The following SYT14 variants were observed in gnomAD, a reference collection of about 807,000 sequenced individuals.
The protein encoded by SYT14 is synaptotagmin-14.
SYT14 carries 32 observed loss-of-function variants against 74.2 expected under a neutral mutation model. The ratio of observed to expected loss-of-function variants is 0.43; its 90% CI spans 0.33 to 0.58. SYT14 has a LOEUF of 0.58. SYT14 is among the 20% of genes least tolerant of loss of function. The pLI is 0.05. For missense variants in SYT14, 791 were observed against 981.8 expected, an observed-to-expected ratio of 0.81 and a Z score of 2.60; for synonymous variants, 298 against 337.7, an observed-to-expected ratio of 0.88 and a Z score of 1.29.
rs1340731111 is a variant in SYT14, at chr1:210,142,060, A to G, written c.2035-13661A>G. Among the ~76,000 whole-genome samples the G allele has an allele frequency of 2.0e-5, 3 of 152,346 alleles. No individual in the cohort carries two copies. In the East Asian group the frequency reaches 5.8e-4, roughly 29 times the overall value. On this transcript the variant is annotated intron_variant, in intron 7 of 9. Coordinates refer to ENST00000637265, the Ensembl canonical transcript of SYT14. ...TGTTCTAAGGATATAGTTCTTATCA[A>G]TCTGAGTCAAGTAAAATCAAAACAA...
At chr1:210,024,250 A>T (rs2102966451) in intron 5 of SYT14, among the ~76,000 whole-genome samples, 1 of 152,316 alleles carries the variant, frequency 6.6e-6, no homozygotes, top group Admixed American at 6.5e-5. Flanking sequence ...AGAAAGATTA[A>T]TTTAGCAGCA....
intron 7 of SYT14, among the ~76,000 whole-genome samples, chr1:210,137,109 G>C (rs1171751308): frequency 6.6e-6 from 1 of 152,144 alleles, no homozygotes; most frequent in Admixed American, 6.6e-5. Flanking sequence ...ATGAATTTCT[G>C]TCAGTGTTTG....
intron 1 of SYT14, among the ~76,000 whole-genome samples, chr1:209,943,350 C>A (rs2078767389): frequency 6.6e-6 from 1 of 151,620 alleles, no homozygotes; most frequent in African/African-American, 2.4e-5. Context: ...ACTAAAAATA[C>A]AAAACTTAGC....
At position 209,958,530 on chromosome 1, in the gene SYT14, CT is replaced by C. The variant is rs1257938607; in HGVS notation, c.-486+5777del. On this transcript the variant is annotated intron_variant, in intron 2 of 9. Coordinates refer to ENST00000637265, the Ensembl canonical transcript of SYT14. Reference sequence around the variant, plus strand: ...TTTCTTATTCTTGAACATGGTGTATCTTTGCATTTGTTTAATGCCTTTCAAT... The same window carrying C: ...TTTCTTATTCTTGAACATGGTGTATCTTGCATTTGTTTAATGCCTTTCAAT... Among the ~76,000 whole-genome samples the C allele has an allele frequency of 2.0e-5, 3 of 152,028 alleles. 1 individual carries two copies. In the South Asian group the frequency reaches 6.2e-4, roughly 32 times the overall value.
intron 7 of SYT14, among the ~76,000 whole-genome samples, chr1:210,111,444 G>A (rs1235253040): frequency 1.3e-5 from 2 of 151,216 alleles, no homozygotes; most frequent in African/African-American, 4.9e-5. Context: ...TGGGCCCAGA[G>A]GCCTGACATT....
chr1:209,952,940 G>A, intron 2 of SYT14, 184 bp downstream of exon 2: 1 of 1,126,970 alleles, frequency 8.9e-7, no homozygotes, highest in Non-Finnish European at 1.3e-6. Context: ...ATTATTGAGA[G>A]TTGTTGCTTT....
At chr1:210,000,254 G>A (rs537601722) in intron 2 of SYT14, among the ~76,000 whole-genome samples, 1 of 152,044 alleles carries the variant, frequency 6.6e-6, no homozygotes, top group South Asian at 2.1e-4. Context: ...TGCCACTTAC[G>A]GCTTTGTGAA....
exon 6 of SYT14, chr1:210,094,500 T>G (rs2102526491): frequency 2.5e-6 from 4 of 1,613,966 alleles, no homozygotes; most frequent in Non-Finnish European, 3.4e-6. Context: ...AGTGCCCAAG[T>G]GAAGGAAGCA....
chr1:210,144,463 T>C (rs2082988051), intron 7 of SYT14, among the ~76,000 whole-genome samples: 1 of 152,150 alleles, frequency 6.6e-6, no homozygotes, highest in African/African-American at 2.4e-5. Flanking sequence ...CAGACCCCCG[T>C]AAATCTGACT....
chr1:210,143,103 G>A (rs1283799598), intron 7 of SYT14, among the ~76,000 whole-genome samples: 1 of 152,146 alleles, frequency 6.6e-6, no homozygotes, highest in Non-Finnish European at 1.5e-5. Context: ...TAGTAGTAAG[G>A]AAGAGCCTAT....
At chr1:209,983,355 A>G (rs972239248) in intron 2 of SYT14, among the ~76,000 whole-genome samples, 1 of 151,490 alleles carries the variant, frequency 6.6e-6, no homozygotes, top group Non-Finnish European at 1.5e-5. Context: ...GGTATGTTTG[A>G]TGGTATCTCA....
intron 9 of SYT14, among the ~76,000 whole-genome samples, chr1:210,160,083 A>G (rs7534723): frequency 0.16 from 23,591 of 152,140 alleles, 1,959 homozygotes; most frequent in Middle Eastern, 0.2. Context: ...ACCAGGAGAA[A>G]GTTTTACTTG....
chr1:210,136,608 A>G (rs2082791470), intron 7 of SYT14, among the ~76,000 whole-genome samples: 1 of 152,176 alleles, frequency 6.6e-6, no homozygotes, highest in South Asian at 2.1e-4. Context: ...GGGCTGATGA[A>G]CAAAAAGTAT....
At chr1:210,116,507 C>T (rs369622161) in intron 7 of SYT14, among the ~76,000 whole-genome samples, 10 of 152,070 alleles carry the variant, frequency 6.6e-5, no homozygotes, top group African/African-American at 1.2e-4. Context: ...CCACCATGTC[C>T]GGCTAATTTT....
At chr1:210,146,274 G>A (rs777044165) in intron 7 of SYT14, among the ~76,000 whole-genome samples, 1 of 152,120 alleles carries the variant, frequency 6.6e-6, no homozygotes. Context: ...GGAGGCAGAA[G>A]TTGCAGTGAG....
intron 5 of SYT14, among the ~76,000 whole-genome samples, chr1:210,026,043 G>C (rs373806271): frequency 6.6e-6 from 1 of 151,670 alleles, no homozygotes; most frequent in Non-Finnish European, 1.5e-5. Flanking sequence ...AAATGTAATG[G>C]CATATTTGTT....
chr1:210,121,059 T>C (rs540153086), intron 7 of SYT14, among the ~76,000 whole-genome samples: 67 of 152,320 alleles, frequency 4.4e-4, no homozygotes, highest in African/African-American at 1.6e-3. Context: ...TGGATCCCAC[T>C]TCATCCCAAC....
intron 5 of SYT14, among the ~76,000 whole-genome samples, chr1:210,078,063 C>G (rs1367498336): frequency 1.3e-5 from 2 of 152,114 alleles, no homozygotes; most frequent in Non-Finnish European, 2.9e-5. Context: ...GTAATCCCAG[C>G]ACTTTGGGAG....
intron 5 of SYT14, among the ~76,000 whole-genome samples, chr1:210,021,567 T>C (rs1347873691): frequency 6.6e-6 from 1 of 152,214 alleles, no homozygotes; most frequent in Non-Finnish European, 1.5e-5. Flanking sequence ...TCAGATGGAA[T>C]TGGTTTCTCT....
Sources: allele counts gnomAD v4.1 joint callset (sites outside exome capture counted in the v4.1 genomes callset), GRCh38; gene constraint gnomAD v4.1.1; transcripts MANE v1.5; gene names NCBI Gene and HGNC (gene_info 2026-07-23, HGNC 2026-07-21).